The following RIN2 variants were observed in gnomAD, a reference collection of about 807,000 sequenced individuals.
RIN2 encodes the protein Ras and Rab interactor 2, also known as RAB5 interacting protein 2.
In RIN2, 36 loss-of-function variants were observed where a neutral mutation model predicts 78.0. That is an observed-to-expected ratio of 0.46 (90% CI 0.35 to 0.61). RIN2 has a LOEUF of 0.61. RIN2 is among the 20% of genes least tolerant of loss of function. RIN2 has a pLI of 0.00. For missense variants in RIN2, 1,087 were observed against 1,159.7 expected (o/e 0.94, Z 0.91); for synonymous variants, 466 against 466.8 (o/e 1.00, Z 0.02).
intron 2 of RIN2, among the ~76,000 whole-genome samples, chr20:19,846,559 C>A (rs1417670215): frequency 6.6e-6 from 1 of 152,142 alleles, no homozygotes; most frequent in African/African-American, 2.4e-5. Context: ...GATTTTTGCA[C>A]ATTGGTTTTG....
chr20:19,994,098 G>A (rs965290911), intron 11 of RIN2, among the ~76,000 whole-genome samples: 3 of 152,168 alleles, frequency 2.0e-5, no homozygotes, highest in Admixed American at 6.5e-5. Flanking sequence ...TCTCCTCCAC[G>A]AATCCCACAA....
chr20:19,896,415 C>T (rs986176972), intron 3 of RIN2, among the ~76,000 whole-genome samples: 20 of 152,182 alleles, frequency 1.3e-4, no homozygotes, highest in African/African-American at 4.3e-4. Flanking sequence ...GCCTCCAACT[C>T]CTGCTAGTCA....
At chr20:19,895,458 T>C (rs947960657) in intron 3 of RIN2, among the ~76,000 whole-genome samples, 6 of 152,162 alleles carry the variant, frequency 3.9e-5, no homozygotes, top group African/African-American at 1.4e-4. Flanking sequence ...CCTTTCTAAG[T>C]GGCTGCCTTC....
In RIN2 at chr20:19,984,485, G is replaced by A. The variant is rs73128167; in HGVS notation, c.1763-5521G>A. Among the ~76,000 whole-genome samples the A allele has an allele frequency of 5.3e-3, 803 of 152,234 alleles. 3 individuals carry two copies. Among genetic ancestry groups the A allele is most frequent in the Middle Eastern group, 0.02 (6 of 294 alleles). On this transcript the variant is annotated intron_variant, in intron 9 of 12. Transcript: ENST00000255006. ...AAAATACGGTAACAGAATCTCATGG[G>A]GCCAGGCGTGGTGGCTCATACCTGT...
At chr20:19,794,327 G>A (rs948736162) in intron 1 of RIN2, among the ~76,000 whole-genome samples, 2 of 152,060 alleles carry the variant, frequency 1.3e-5, no homozygotes, top group South Asian at 2.1e-4. Context: ...AGGCCACGGC[G>A]GGCAGATCAC....
chr20:19,982,271 G>A (rs1002411751), intron 9 of RIN2, among the ~76,000 whole-genome samples: 1 of 152,178 alleles, frequency 6.6e-6, no homozygotes, highest in Non-Finnish European at 1.5e-5. Flanking sequence ...TACAGATGAG[G>A]AAGCTGAGGC....
intron 11 of RIN2, 63 bp from the exon 12 acceptor site, chr20:19,996,616 C>G: frequency 6.5e-7 from 1 of 1,534,488 alleles, no homozygotes; most frequent in East Asian, 2.3e-5. Flanking sequence ...CGCTGGCATC[C>G]CCTGTTATCA....
At chr20:19,937,455 C>T (rs1269928902) in intron 4 of RIN2, among the ~76,000 whole-genome samples, 7 of 152,146 alleles carry the variant, frequency 4.6e-5, no homozygotes, top group South Asian at 2.1e-4. Flanking sequence ...GATAGGGAGT[C>T]GCCTATCCCA....
At chr20:19,820,823 A>G (rs534270223) in intron 2 of RIN2, among the ~76,000 whole-genome samples, 2 of 152,264 alleles carry the variant, frequency 1.3e-5, no homozygotes, top group African/African-American at 4.8e-5. Flanking sequence ...TCTGCACCAT[A>G]TGCTGGTAGC....
chr20:19,901,071 G>A (rs1382605967), intron 3 of RIN2, among the ~76,000 whole-genome samples: 1 of 152,050 alleles, frequency 6.6e-6, no homozygotes, highest in Non-Finnish European at 1.5e-5. Context: ...CACCCAGGTG[G>A]GAGAACCACT....
chr20:19,858,020 T>G (rs2037217741), intron 2 of RIN2, among the ~76,000 whole-genome samples: 1 of 152,198 alleles, frequency 6.6e-6, no homozygotes, highest in Admixed American at 6.5e-5. Context: ...TATCTTCTCC[T>G]GCTCTATGTC....
intron 1 of RIN2, among the ~76,000 whole-genome samples, chr20:19,775,588 T>C (rs940404723): frequency 7.9e-5 from 12 of 152,240 alleles, no homozygotes; most frequent in Admixed American, 5.9e-4. Flanking sequence ...CCACAGTCCA[T>C]GTGCTATTTA....
At chr20:19,867,609 G>T (rs911977317) in intron 2 of RIN2, among the ~76,000 whole-genome samples, 1 of 152,176 alleles carries the variant, frequency 6.6e-6, no homozygotes, top group Non-Finnish European at 1.5e-5. Flanking sequence ...TTTGTCTGAT[G>T]CTCCTCACAG....
In RIN2 at chr20:19,811,876, T is replaced by C. The variant is rs549263992; in HGVS notation, c.-37+12129T>C. On this transcript the variant is annotated intron_variant, in intron 2 of 12. Coordinates refer to ENST00000255006, the MANE Select transcript of RIN2 (RefSeq NM_018993.4). ...AAAAAAAAGCTTTGTTTGGGTATAA[T>C]TTAAATACCACAAAATTTACCTATT... Among the ~76,000 whole-genome samples the C allele has an allele frequency of 2.2e-4, 34 of 152,266 alleles. No homozygotes were observed. The East Asian group carries it at 5.6e-3, about 25-fold the overall frequency.
At chr20:19,897,311 G>T (rs2038777461) in intron 3 of RIN2, among the ~76,000 whole-genome samples, 2 of 152,094 alleles carry the variant, frequency 1.3e-5, no homozygotes, top group South Asian at 4.1e-4. Flanking sequence ...GTTTCACCAT[G>T]TTGGCCAGGC....
intron 2 of RIN2, among the ~76,000 whole-genome samples, chr20:19,883,765 G>A (rs2038097844): frequency 6.6e-6 from 1 of 151,880 alleles, no homozygotes; most frequent in South Asian, 2.1e-4. Context: ...GAGTTTCTAT[G>A]AGTCTGTGAA....
chr20:19,850,292 A>T (rs1200041875), intron 2 of RIN2, among the ~76,000 whole-genome samples: 1 of 152,008 alleles, frequency 6.6e-6, no homozygotes, highest in Non-Finnish European at 1.5e-5. Context: ...CCCCTGGAGG[A>T]CACGGGGGAG....
At chr20:19,958,812 T>C (rs1352674580) in intron 5 of RIN2, among the ~76,000 whole-genome samples, 1 of 152,172 alleles carries the variant, frequency 6.6e-6, no homozygotes, top group Non-Finnish European at 1.5e-5. Context: ...GAGGTTGCAG[T>C]GAGCTGAGAT....
chr20:19,944,699 T>C (rs2041016735), intron 4 of RIN2, among the ~76,000 whole-genome samples: 1 of 152,132 alleles, frequency 6.6e-6, no homozygotes, highest in Non-Finnish European at 1.5e-5. Flanking sequence ...GCTTTTTTTT[T>C]TCTTTTTCCA....
Sources: allele counts gnomAD v4.1 joint callset (sites outside exome capture counted in the v4.1 genomes callset), GRCh38; gene constraint gnomAD v4.1.1; transcripts MANE v1.5; gene names NCBI Gene and HGNC (gene_info 2026-07-23, HGNC 2026-07-21).